Variants in ASTN2 observed in about 807,000 individuals in gnomAD.
ASTN2 encodes the protein astrotactin 2.
In ASTN2, 54 loss-of-function variants were observed where a neutral mutation model predicts 139.8. The ratio of observed to expected loss-of-function variants is 0.39; its 90% CI spans 0.31 to 0.48. The LOEUF (loss-of-function observed/expected upper bound fraction) is 0.48, where lower values mean the gene tolerates loss of function less well. Ranked by LOEUF, ASTN2 falls within the 20% of genes least tolerant of loss-of-function variation. The pLI, the probability that ASTN2 is intolerant of heterozygous loss-of-function variation, is 0.95. For missense variants in ASTN2, 1,565 were observed against 1,725.1 expected, an observed-to-expected ratio of 0.91 and a Z score of 1.64; for synonymous variants, 756 against 719.5, an observed-to-expected ratio of 1.05 and a Z score of -0.81.
intron 5 of ASTN2, among the ~76,000 whole-genome samples, chr9:117,052,068 G>A (rs892715376): frequency 6.6e-6 from 1 of 152,136 alleles, no homozygotes. Context: ...GCTCTGTCAT[G>A]CTTTGGTTGA....
At chr9:116,647,876 A>G (rs1055929301) in intron 17 of ASTN2, among the ~76,000 whole-genome samples, 1 of 152,200 alleles carries the variant, frequency 6.6e-6, no homozygotes, top group African/African-American at 2.4e-5. Context: ...GCAGTGACAC[A>G]ATCACAGCTC....
At chr9:117,023,344 A>T (rs1382224940) in intron 6 of ASTN2, among the ~76,000 whole-genome samples, 1 of 152,026 alleles carries the variant, frequency 6.6e-6, no homozygotes, top group Non-Finnish European at 1.5e-5. Context: ...AAGTCACCCA[A>T]ATGGTTTTGA....
intron 10 of ASTN2, among the ~76,000 whole-genome samples, chr9:116,959,957 C>A (rs897646387): frequency 1.3e-5 from 2 of 152,172 alleles, no homozygotes; most frequent in African/African-American, 2.4e-5. Flanking sequence ...TGCGTGCCGG[C>A]TGCGCTCCCG....
chr9:116,492,376 G>C (rs1286922941), intron 19 of ASTN2, among the ~76,000 whole-genome samples: 2 of 152,098 alleles, frequency 1.3e-5, no homozygotes, highest in Non-Finnish European at 2.9e-5. Flanking sequence ...GCCACTGTGA[G>C]AGCCTTGTTT....
At chr9:117,373,708 GT>G (rs1830047225) in intron 1 of ASTN2, among the ~76,000 whole-genome samples, 1 of 152,146 alleles carries the variant, frequency 6.6e-6, no homozygotes, top group African/African-American at 2.4e-5. Context: ...GGTGGCAAAG[GT>G]CCTGATCTCA....
intron 3 of ASTN2, chr9:117,180,713 G>A (rs967017294): frequency 6.3e-7 from 1 of 1,592,774 alleles, no homozygotes; most frequent in African/African-American, 1.3e-5. Context: ...CATGAGTGCA[G>A]GGCCCGCCAC....
intron 2 of ASTN2, among the ~76,000 whole-genome samples, chr9:117,262,844 T>C (rs1833857554): frequency 6.6e-6 from 1 of 152,092 alleles, no homozygotes; most frequent in African/African-American, 2.4e-5. Flanking sequence ...GGTGGGAGTG[T>C]TGTGGTGTGA....
At chr9:117,355,645 A>G (rs527461268) in intron 1 of ASTN2, among the ~76,000 whole-genome samples, 20 of 152,282 alleles carry the variant, frequency 1.3e-4, no homozygotes, top group African/African-American at 4.6e-4. Flanking sequence ...CCAGAGCCGG[A>G]TGGGGAGAGA....
At chr9:116,446,844 T>G (rs759542318) in intron 20 of ASTN2, among the ~76,000 whole-genome samples, 10 of 152,064 alleles carry the variant, frequency 6.6e-5, no homozygotes, top group Non-Finnish European at 1.3e-4. Context: ...TATTGGGAGG[T>G]TGAAATCCAA....
chr9:117,241,946 A>C (rs1458436767), intron 2 of ASTN2, among the ~76,000 whole-genome samples: 2 of 134,648 alleles, frequency 1.5e-5, no homozygotes, highest in Admixed American at 7.8e-5. Context: ...ACACACACAC[A>C]CCACACACCC....
chr9:116,688,003 G>T (rs1041681748), intron 16 of ASTN2, among the ~76,000 whole-genome samples: 1 of 152,022 alleles, frequency 6.6e-6, no homozygotes, highest in African/African-American at 2.4e-5. Flanking sequence ...ATGACATTCA[G>T]TGCATAAGAG....
intron 1 of ASTN2, among the ~76,000 whole-genome samples, chr9:117,388,470 G>C (rs1400276368): frequency 6.6e-6 from 1 of 152,214 alleles, no homozygotes; most frequent in Non-Finnish European, 1.5e-5. Flanking sequence ...GTGCTCTGAT[G>C]AGACTGTGTG....
intron 4 of ASTN2, among the ~76,000 whole-genome samples, chr9:117,134,291 T>C (rs34820542): frequency 4.5e-3 from 239 of 53,630 alleles, no homozygotes; most frequent in African/African-American, 0.012. Context: ...TATATATATA[T>C]ATATACACAC....
intron 19 of ASTN2, among the ~76,000 whole-genome samples, chr9:116,546,937 C>A (rs969145867): frequency 6.6e-6 from 1 of 152,136 alleles, no homozygotes; most frequent in South Asian, 2.1e-4. Flanking sequence ...CCCAGCTGCC[C>A]GCAGCTTCTA....
At chr9:116,493,105 G>A (rs1364348757) in intron 19 of ASTN2, among the ~76,000 whole-genome samples, 1 of 152,148 alleles carries the variant, frequency 6.6e-6, no homozygotes, top group African/African-American at 2.4e-5. Flanking sequence ...AAATACAGAG[G>A]CTTGGGAATG....
chr9:116,977,708 TC>T, intron 7 of ASTN2, among the ~76,000 whole-genome samples: 1 of 89,712 alleles, frequency 1.1e-5, no homozygotes, highest in African/African-American at 4.2e-5. Flanking sequence ...GTATAGAATT[TC>T]TTTTTCTTTT....
At chr9:117,163,071 T>G (rs1033217246) in intron 3 of ASTN2, among the ~76,000 whole-genome samples, 2 of 150,084 alleles carry the variant, frequency 1.3e-5, no homozygotes, top group Non-Finnish European at 3.0e-5. Context: ...CATACCTTTC[T>G]CTGCCAGGCT....
chr9:117,360,321 G>A (rs980572126), intron 1 of ASTN2, among the ~76,000 whole-genome samples: 4 of 152,162 alleles, frequency 2.6e-5, no homozygotes, highest in Non-Finnish European at 5.9e-5. Context: ...GAAGTGTAAT[G>A]TGGAAATCAA....
intron 1 of ASTN2, among the ~76,000 whole-genome samples, chr9:117,317,572 GT>G (rs1305964566): frequency 6.6e-6 from 1 of 152,168 alleles, no homozygotes; most frequent in Non-Finnish European, 1.5e-5. Flanking sequence ...CAGAACTAGG[GT>G]TTTAACTCAC....
Sources: gnomAD v4.1 joint callset for allele counts (sites outside exome capture counted in the v4.1 genomes callset) on GRCh38, gnomAD v4.1.1 for gene constraint, MANE v1.5 for transcripts, NCBI Gene and HGNC (gene_info 2026-07-23, HGNC 2026-07-21) for gene names.